The following UTY variants were observed in gnomAD, a reference collection of about 807,000 sequenced individuals.
UTY encodes histone demethylase UTY.
In UTY, 12 loss-of-function variants were observed where a neutral mutation model predicts 32.5. The ratio of observed to expected loss-of-function variants is 0.37; its 90% confidence interval spans 0.24 to 0.60. UTY has a LOEUF of 0.60. UTY is among the 20% of genes least tolerant of loss of function. The pLI is 0.69. For missense variants in UTY, 303 were observed against 299.2 expected (o/e 1.01, Z -0.09); for synonymous variants, 131 against 103.4 (o/e 1.27, Z -1.62).
intron 2 of UTY, 160 bp downstream of exon 2, chrY:13,479,094 C>T: frequency 6.5e-6 from 1 of 154,202 alleles, no homozygotes. Flanking sequence ...GAGCAAGGGG[C>T]GAAGTATTCC....
intron 3 of UTY, among the ~76,000 whole-genome samples, chrY:13,453,332 A>G (rs2076462973): frequency 2.9e-5 from 1 of 34,013 alleles, no homozygotes; most frequent in African/African-American, 1.1e-4. Context: ...AAGAAGTAAA[A>G]CCAAAGAAAT....
At chrY:13,313,053 T>A (rs2059284840) in intron 21 of UTY, among the ~76,000 whole-genome samples, 1 of 33,053 alleles carries the variant, frequency 3.0e-5, no homozygotes, top group Non-Finnish European at 7.4e-5. Context: ...TTACTGGGTA[T>A]CTACCCAGTG....
intron 27 of UTY, chrY:13,287,357 T>C: frequency 2.7e-6 from 1 of 367,880 alleles, no homozygotes; most frequent in South Asian, 3.0e-5. Context: ...CTCATCTTGT[T>C]GCTCTAGCAG....
intron 7 of UTY, among the ~76,000 whole-genome samples, chrY:13,395,903 GT>G (rs1368341749): frequency 3.4e-3 from 41 of 11,964 alleles, no homozygotes; most frequent in Middle Eastern, 0.056. Flanking sequence ...TCATCCTTCT[GT>G]TTTTTTTTTT....
chrY:13,339,511 T>C (rs2061348733), intron 17 of UTY, among the ~76,000 whole-genome samples: 2 of 33,526 alleles, frequency 6.0e-5, no homozygotes, highest in Non-Finnish European at 1.5e-4. Flanking sequence ...TGATGACTAG[T>C]CTGACCCAAG....
At chrY:13,285,913 T>C in intron 27 of UTY, among the ~76,000 whole-genome samples, 1 of 34,089 alleles carries the variant, frequency 2.9e-5, no homozygotes, top group Non-Finnish European at 7.3e-5. Flanking sequence ...GCATAATCAC[T>C]GAAGTTTGCA....
chrY:13,234,562 G>A, downstream of UTY: 1 of 136,637 alleles, frequency 7.3e-6, no homozygotes, highest in Non-Finnish European at 1.5e-5. Flanking sequence ...GGAAGAATGA[G>A]GAACGTGGAC....
intron 26 of UTY, 33 bp from the exon 27 acceptor site, chrY:13,297,881 C>T (rs2058136241): frequency 3.0e-6 from 1 of 334,356 alleles, no homozygotes; most frequent in East Asian, 9.7e-5. Flanking sequence ...CATAAAGTAA[C>T]CCAAAGTAAT....
At chrY:13,444,625 A>G in intron 4 of UTY, among the ~76,000 whole-genome samples, 9 of 33,611 alleles carry the variant, frequency 2.7e-4, no homozygotes, top group Non-Finnish European at 5.1e-4. Context: ...TGTGCAATCT[A>G]TGCATGCAAC....
At chrY:13,428,623 G>C in intron 4 of UTY, among the ~76,000 whole-genome samples, 1 of 33,418 alleles carries the variant, frequency 3.0e-5, no homozygotes, top group African/African-American at 1.2e-4. Flanking sequence ...CAGGTAATAC[G>C]ATACCTCCAG....
chrY:13,455,361 G>C, intron 3 of UTY, among the ~76,000 whole-genome samples: 1 of 33,201 alleles, frequency 3.0e-5, no homozygotes, highest in East Asian at 7.7e-4. Context: ...CCCTGGAAGA[G>C]ATGGGAAAAT....
intron 21 of UTY, chrY:13,323,154 T>C (rs770657962): frequency 5.8e-6 from 1 of 171,278 alleles, no homozygotes; most frequent in East Asian, 4.6e-4. Context: ...CCCAGCACTT[T>C]GGGATGCTGA....
At chrY:13,466,590 C>T in intron 3 of UTY, among the ~76,000 whole-genome samples, 3 of 33,130 alleles carry the variant, frequency 9.1e-5, no homozygotes, top group Admixed American at 2.7e-4. Flanking sequence ...GAAAGGCAAA[C>T]AAAAGAAGAA....
At chrY:13,370,331 C>G (rs2064764886) in intron 8 of UTY, among the ~76,000 whole-genome samples, 14 of 34,418 alleles carry the variant, frequency 4.1e-4, no homozygotes, top group Admixed American at 3.7e-3. Context: ...ACTTCAAGAG[C>G]TACTAATGAT....
At chrY:13,480,166 G>A (rs2079570673), upstream of UTY, 1 of 42,780 alleles carries the variant, frequency 2.3e-5, no homozygotes, top group Non-Finnish European at 5.5e-5. Flanking sequence ...TCTGACCGCT[G>A]GTTGGTTGAT....
chrY:13,356,559 G>C, intron 15 of UTY, among the ~76,000 whole-genome samples: 1 of 29,518 alleles, frequency 3.4e-5, no homozygotes, highest in African/African-American at 1.3e-4. Context: ...AGCATTTAGG[G>C]AGGCCGAAGA....
At chrY:13,259,587 C>T in intron 28 of UTY, among the ~76,000 whole-genome samples, 4 of 33,846 alleles carry the variant, frequency 1.2e-4, no homozygotes, top group African/African-American at 4.6e-4. Context: ...ACTCCTTTTC[C>T]CATCCAATGT....
intron 4 of UTY, among the ~76,000 whole-genome samples, chrY:13,431,964 T>C: frequency 3.0e-5 from 1 of 33,402 alleles, no homozygotes; most frequent in East Asian, 7.7e-4. Flanking sequence ...CATGTAAAAA[T>C]TACCATTTAC....
chrY:13,380,009 CTATA>C (rs750200883), intron 8 of UTY, among the ~76,000 whole-genome samples: 1 of 3,396 alleles, frequency 2.9e-4, no homozygotes, highest in African/African-American at 1.0e-3. Flanking sequence ...ATACACACAT[CTATA>C]TATATATATA....
Sources: allele counts gnomAD v4.1 joint callset (sites outside exome capture counted in the v4.1 genomes callset), GRCh38; gene constraint gnomAD v4.1.1; transcripts MANE v1.5; gene names NCBI Gene and HGNC (gene_info 2026-07-23, HGNC 2026-07-21).